ALX4: variants seen among roughly 807,000 people sequenced by gnomAD.
ALX4 encodes the protein homeobox protein aristaless-like 4.
A neutral mutation model predicts 40.6 loss-of-function variants in ALX4; 22 were observed. The ratio of observed to expected loss-of-function variants is 0.54; its 90% confidence interval spans 0.39 to 0.77. ALX4 has a LOEUF of 0.77. ALX4 is among the 30% of genes least tolerant of loss of function. The pLI, the probability that ALX4 is intolerant of heterozygous loss-of-function variation, is 0.00. For missense variants in ALX4, 556 were observed against 564.8 expected (o/e 0.98, Z 0.16); for synonymous variants, 266 against 240.5 (o/e 1.11, Z -0.98).
intron 1 of ALX4, among the ~76,000 whole-genome samples, chr11:44,299,569 C>A (rs1956423579): frequency 1.3e-5 from 2 of 152,052 alleles, no homozygotes; most frequent in African/African-American, 4.8e-5. Context: ...ACCGTGTTAG[C>A]CAGGATGGTC....
chr11:44,291,542 G>A (rs1010658043), intron 1 of ALX4, among the ~76,000 whole-genome samples: 1 of 152,022 alleles, frequency 6.6e-6, no homozygotes, highest in Admixed American at 6.6e-5. Flanking sequence ...CCGTGTAGCT[G>A]AGGCTACAGG....
At chr11:44,296,331 A>G (rs1956402403) in intron 1 of ALX4, among the ~76,000 whole-genome samples, 1 of 152,240 alleles carries the variant, frequency 6.6e-6, no homozygotes, top group African/African-American at 2.4e-5. Context: ...CCTAAACCTA[A>G]GAGCTAAACT....
In ALX4 at chr11:44,267,630, A is replaced by G. The variant is rs764414424; in HGVS notation, c.778-8T>C. On this transcript the variant is annotated splice_region_variant and splice_polypyrimidine_tract_variant and intron_variant, in intron 2 of 3. Transcript: ENST00000652299. ...TCGGTTCTGGAACCAGACCTACAAGACGCGAAAAAGCCATTGTCACCAGGG... is the reference window on the plus strand; with the variant it reads ...TCGGTTCTGGAACCAGACCTACAAGGCGCGAAAAAGCCATTGTCACCAGGG... 5.6e-6 allele frequency: 9 copies of G among 1,614,012 alleles called. No individual in the cohort carries two copies. The highest frequency in any genetic ancestry group is 7.6e-6 in the Non-Finnish European group (9 of 1,180,032).
chr11:44,270,877 C>G (rs983681992), intron 2 of ALX4, among the ~76,000 whole-genome samples: 2 of 152,180 alleles, frequency 1.3e-5, no homozygotes, highest in African/African-American at 4.8e-5. Context: ...CATCTGGGGC[C>G]AGGGCGGGGT....
chr11:44,260,690 C>A lies in ALX4; in HGVS notation c.*4164G>T, dbSNP rs1956177536. 1 of 151,968 alleles carries A rather than the reference C, an allele frequency of 6.6e-6. No individual in the cohort carries two copies. The highest frequency in any genetic ancestry group is 6.6e-5 in the Admixed American group (1 of 15,256). 9.4% of individuals were successfully genotyped at this position (151,968 alleles called of 1,614,324 possible). ...TAATGTAGTTACATGGTGGTATAGG[C>A]AGTAAAACTTTATGGAACCGACCTC... On this transcript the variant is annotated 3_prime_UTR_variant, in exon 4 of 4. Transcript: ENST00000652299.
At chr11:44,301,045 G>C (rs1435111690) in intron 1 of ALX4, among the ~76,000 whole-genome samples, 1 of 152,244 alleles carries the variant, frequency 6.6e-6, no homozygotes, top group Non-Finnish European at 1.5e-5. Flanking sequence ...TCACTTGTCT[G>C]TCTCTGCCTC....
chr11:44,280,517 G>A (rs532446344), intron 1 of ALX4, among the ~76,000 whole-genome samples: 1 of 152,236 alleles, frequency 6.6e-6, no homozygotes, highest in Non-Finnish European at 1.5e-5. Context: ...CCCTGGAGCA[G>A]CTCCTTGTGG....
intron 2 of ALX4, among the ~76,000 whole-genome samples, chr11:44,274,253 G>C (rs1466359243): frequency 1.3e-5 from 2 of 152,198 alleles, no homozygotes; most frequent in Middle Eastern, 3.2e-3. Flanking sequence ...GTTCTATTGG[G>C]TTGTGTTGAG....
chr11:44,261,338 G>C lies in ALX4; in HGVS notation c.*3516C>G, dbSNP rs1435949483. 1 of 152,226 alleles carries C rather than the reference G, an allele frequency of 6.6e-6. No homozygotes were observed. Among genetic ancestry groups the C allele is most frequent in the Non-Finnish European group, 1.5e-5 (1 of 68,082 alleles). 9.4% of individuals were successfully genotyped at this position (152,226 alleles called of 1,614,324 possible). ...CTCGTCTGCCCAGCCGAAATGACAG[G>C]AGATGGGGCACGGAGCTGGGTCCAG... On this transcript the variant is annotated 3_prime_UTR_variant, in exon 4 of 4. Coordinates refer to ENST00000652299, the MANE Select transcript of ALX4 (RefSeq NM_021926.4).
chr11:44,289,733 C>T (rs1166615875), intron 1 of ALX4, among the ~76,000 whole-genome samples: 1 of 152,218 alleles, frequency 6.6e-6, no homozygotes, highest in Non-Finnish European at 1.5e-5. Flanking sequence ...GAGATCACTT[C>T]CTGATGCCTC....
intron 1 of ALX4, among the ~76,000 whole-genome samples, chr11:44,281,871 G>C (rs947261994): frequency 2.0e-5 from 3 of 152,196 alleles, no homozygotes; most frequent in Non-Finnish European, 4.4e-5. Context: ...TGTTTGCAGA[G>C]ACAGACAGTG....
chr11:44,306,897 C>A (rs1305388737), intron 1 of ALX4, among the ~76,000 whole-genome samples: 3 of 152,170 alleles, frequency 2.0e-5, no homozygotes, highest in African/African-American at 7.2e-5. Context: ...CCTAGAAGGA[C>A]CAGACATCTC....
intron 1 of ALX4, among the ~76,000 whole-genome samples, chr11:44,293,174 G>A (rs1181716978): frequency 8.5e-5 from 11 of 130,054 alleles, no homozygotes; most frequent in East Asian, 2.4e-4. Context: ...GAAGGAAGCA[G>A]GCAGGCAGGG....
chr11:44,288,731 G>A (rs1048266093), intron 1 of ALX4, among the ~76,000 whole-genome samples: 7 of 152,246 alleles, frequency 4.6e-5, no homozygotes, highest in African/African-American at 7.2e-5. Flanking sequence ...TCTGAGAGCT[G>A]TAGGAGACCA....
intron 1 of ALX4, among the ~76,000 whole-genome samples, chr11:44,292,863 A>G (rs919745009): frequency 2.0e-5 from 3 of 152,056 alleles, no homozygotes; most frequent in South Asian, 4.1e-4. Flanking sequence ...TGGGAAGCCA[A>G]CGTGGGCAGA....
chr11:44,267,376 C>T (rs1166406222), intron 3 of ALX4, 118 bp downstream of exon 3: 23 of 1,392,406 alleles, frequency 1.7e-5, no homozygotes, highest in African/African-American at 5.7e-5. Flanking sequence ...TGGAATGAGA[C>T]GGAAGGGCAG....
At position 44,264,721 on chromosome 11, in the gene ALX4, T is replaced by C; in HGVS notation, c.*133A>G. 9.7e-7 allele frequency: 1 copy of C among 1,035,080 alleles called. No individual in the cohort carries two copies. The highest frequency in any genetic ancestry group is 1.4e-6 in the Non-Finnish European group (1 of 720,986). 64.1% of individuals were successfully genotyped at this position (1,035,080 alleles called of 1,614,324 possible). On this transcript the variant is annotated 3_prime_UTR_variant, in exon 4 of 4. Coordinates refer to ENST00000652299, the MANE Select transcript of ALX4 (RefSeq NM_021926.4). ...CACGGGGCCTCAGACTTGGGGCGGC[T>C]GAAAGTGCTGAGGGTCAGGCCCCTG...
At chr11:44,288,608 A>G (rs1956352517) in intron 1 of ALX4, among the ~76,000 whole-genome samples, 4 of 152,058 alleles carry the variant, frequency 2.6e-5, no homozygotes, top group Admixed American at 2.0e-4. Context: ...TAAAAATCAC[A>G]AGACAAATGC....
At chr11:44,299,677 A>C (rs143772763) in intron 1 of ALX4, among the ~76,000 whole-genome samples, 1 of 152,046 alleles carries the variant, frequency 6.6e-6, no homozygotes, top group African/African-American at 2.4e-5. Context: ...CCATGTTTGT[A>C]AGACCCTGTC....
Sources: gnomAD v4.1 joint callset for allele counts (sites outside exome capture counted in the v4.1 genomes callset) on GRCh38, gnomAD v4.1.1 for gene constraint, MANE v1.5 for transcripts, NCBI Gene and HGNC (gene_info 2026-07-23, HGNC 2026-07-21) for gene names.